CSMD1: variants seen among roughly 807,000 people sequenced by gnomAD.
CSMD1 encodes the protein CUB and sushi domain-containing protein 1.
In CSMD1, 213 loss-of-function variants were observed where a neutral mutation model predicts 417.5. The ratio of observed to expected loss-of-function variants is 0.51; its 90% CI spans 0.46 to 0.57. The LOEUF is 0.57. Among genes scored for constraint, CSMD1 ranks in the 20% least tolerant of loss-of-function variants. CSMD1 has a pLI of 0.00. For synonymous variants in CSMD1, 2,862 were observed against 1,736.8 expected, an observed-to-expected ratio of 1.65 and a Z score of -16.11; for missense variants, 6,923 against 4,529.7, an observed-to-expected ratio of 1.53 and a Z score of -15.17.
intron 3 of CSMD1, among the ~76,000 whole-genome samples, chr8:4,170,774 A>T (rs1194763796): frequency 2.0e-5 from 3 of 151,804 alleles, no homozygotes; most frequent in Non-Finnish European, 2.9e-5. Flanking sequence ...AGGGACACAG[A>T]ATTTCAAATG....
chr8:4,154,905 C>A (rs537145425), intron 3 of CSMD1, among the ~76,000 whole-genome samples: 1 of 152,160 alleles, frequency 6.6e-6, no homozygotes, highest in Non-Finnish European at 1.5e-5. Context: ...TGAAGTGATA[C>A]ATTTTTCTAA....
Position 3,929,789 on chromosome 8 carries a change from G to T in CSMD1, c.818+68114C>A, listed in dbSNP as rs1284450638. ...CAATTCTCCTGTCTCAGCCTCCTGA[G>T]TAGCTGGGACTACAGGCACATGCCA... is the stretch of plus-strand genomic sequence containing the variant. On this transcript the variant is annotated intron_variant, in intron 5 of 69. Coordinates refer to ENST00000635120, the MANE Select transcript of CSMD1 (RefSeq NM_033225.6). Among the ~76,000 whole-genome samples, 3 of 149,500 alleles carry T rather than the reference G, an allele frequency of 2.0e-5. 1 individual carries two copies. The highest frequency in any genetic ancestry group is 7.4e-5 in the African/African-American group (3 of 40,362).
At chr8:4,707,663 G>C (rs987861397) in intron 1 of CSMD1, among the ~76,000 whole-genome samples, 1 of 151,888 alleles carries the variant, frequency 6.6e-6, no homozygotes, top group African/African-American at 2.4e-5. Flanking sequence ...GAGGCGGGCG[G>C]ATCACCTGAG....
chr8:4,671,901 G>C (rs1194320462), intron 1 of CSMD1, among the ~76,000 whole-genome samples: 1 of 152,160 alleles, frequency 6.6e-6, no homozygotes, highest in Non-Finnish European at 1.5e-5. Flanking sequence ...CCTCCACTAA[G>C]TTGCCAAGCA....
At chr8:3,822,540 C>A (rs566478998) in intron 5 of CSMD1, among the ~76,000 whole-genome samples, 18 of 152,334 alleles carry the variant, frequency 1.2e-4, no homozygotes, top group African/African-American at 4.3e-4. Flanking sequence ...TCTTCCCCGA[C>A]AGGCAATTCT....
At chr8:2,957,446 T>A (rs1411828866) in intron 63 of CSMD1, among the ~76,000 whole-genome samples, 4 of 152,040 alleles carry the variant, frequency 2.6e-5, no homozygotes, top group Non-Finnish European at 5.9e-5. Flanking sequence ...GTCCCCCTTC[T>A]CTCCTCCCTG....
intron 3 of CSMD1, among the ~76,000 whole-genome samples, chr8:4,051,187 GA>G (rs1381045184): frequency 6.5e-5 from 1 of 15,298 alleles, no homozygotes; most frequent in Non-Finnish European, 2.1e-4. Context: ...TCCCTGCTGA[GA>G]ATCTCTGCTG....
chr8:4,774,210 T>C (rs912141826), intron 1 of CSMD1, among the ~76,000 whole-genome samples: 1 of 152,080 alleles, frequency 6.6e-6, no homozygotes, highest in Non-Finnish European at 1.5e-5. Flanking sequence ...AAAATAAAAA[T>C]AAAATAATCA....
intron 1 of CSMD1, among the ~76,000 whole-genome samples, chr8:4,738,460 T>G (rs143475001): frequency 0.027 from 4,115 of 152,130 alleles, 62 homozygotes; most frequent in South Asian, 0.034. Flanking sequence ...TCAGATCTCA[T>G]GAGAACAAAC....
chr8:3,862,898 G>A (rs1021108711), intron 5 of CSMD1, among the ~76,000 whole-genome samples: 2 of 152,104 alleles, frequency 1.3e-5, no homozygotes, highest in Non-Finnish European at 2.9e-5. Context: ...GTTCATTCCA[G>A]GACCTATAGC....
At chr8:4,362,408 C>T (rs923168693) in intron 3 of CSMD1, among the ~76,000 whole-genome samples, 3 of 152,008 alleles carry the variant, frequency 2.0e-5, no homozygotes, top group Admixed American at 6.6e-5. Context: ...GTCTCAGGTC[C>T]GAGGGATTAG....
chr8:4,813,283 T>C (rs1426374909), intron 1 of CSMD1, among the ~76,000 whole-genome samples: 1 of 151,616 alleles, frequency 6.6e-6, no homozygotes, highest in Non-Finnish European at 1.5e-5. Flanking sequence ...TGTTAAAAAA[T>C]AAACAAATCA....
At chr8:3,588,191 T>C (rs916719665) in intron 8 of CSMD1, among the ~76,000 whole-genome samples, 4 of 152,130 alleles carry the variant, frequency 2.6e-5, no homozygotes, top group African/African-American at 9.7e-5. Context: ...TTTCAATATA[T>C]TGTCATTGAA....
chr8:4,010,214 C>T (rs146354237), intron 4 of CSMD1, among the ~76,000 whole-genome samples: 71 of 152,218 alleles, frequency 4.7e-4, no homozygotes, highest in South Asian at 1.7e-3. Context: ...CTGTGCCCAC[C>T]CACATGCATC....
intron 41 of CSMD1, among the ~76,000 whole-genome samples, chr8:3,130,958 T>C (rs1817762214): frequency 1.3e-5 from 2 of 152,222 alleles, no homozygotes; most frequent in African/African-American, 4.8e-5. Flanking sequence ...GCTCTTAAAA[T>C]GTGTCTAAGG....
At chr8:4,685,949 CGTT>C (rs1287412630) in intron 1 of CSMD1, among the ~76,000 whole-genome samples, 2 of 152,284 alleles carry the variant, frequency 1.3e-5, no homozygotes, top group East Asian at 3.9e-4. Context: ...AAAGCACTGA[CGTT>C]GTTATAAACA....
Position 3,515,083 on chromosome 8 carries a change from T to C in CSMD1, c.1345-21357A>G, listed in dbSNP as rs555878471. Among the ~76,000 whole-genome samples the C allele has an allele frequency of 2.0e-5, 3 of 152,336 alleles. No homozygotes were observed. The East Asian group carries it at 5.8e-4, about 29-fold the overall frequency. ...CTTTTCAAAATAATAATACAGTTAATGAACATTTTACACATTTAAAAAATC... is the reference window on the plus strand; with the variant it reads ...CTTTTCAAAATAATAATACAGTTAACGAACATTTTACACATTTAAAAAATC... On this transcript the variant is annotated intron_variant, in intron 10 of 69. Transcript: ENST00000635120.
At chr8:3,435,417 C>T (rs1814491665) in intron 12 of CSMD1, among the ~76,000 whole-genome samples, 3 of 152,114 alleles carry the variant, frequency 2.0e-5, no homozygotes, top group African/African-American at 4.8e-5. Flanking sequence ...ATGCCTGAAA[C>T]ATCACCTGTG....
At chr8:3,731,375 T>C (rs997425927) in intron 6 of CSMD1, among the ~76,000 whole-genome samples, 62 of 152,172 alleles carry the variant, frequency 4.1e-4, no homozygotes, top group Non-Finnish European at 1.3e-4. Context: ...TTCAGGCTAA[T>C]ACAGGGAGAA....
Sources: allele counts gnomAD v4.1 joint callset (sites outside exome capture counted in the v4.1 genomes callset), GRCh38; gene constraint gnomAD v4.1.1; transcripts MANE v1.5; gene names NCBI Gene and HGNC (gene_info 2026-07-23, HGNC 2026-07-21).